ABCB5: variants seen among roughly 807,000 people sequenced by gnomAD.
ABCB5 encodes ATP binding cassette subfamily B member 5.
A neutral mutation model predicts 144.2 loss-of-function variants in ABCB5; 155 were observed. The ratio of observed to expected loss-of-function variants is 1.08; its 90% CI spans 0.94 to 1.23. ABCB5 has a LOEUF of 1.23. Ranked by LOEUF, ABCB5 falls within the 50% of genes most tolerant of loss-of-function variation. The pLI, the probability that ABCB5 is intolerant of heterozygous loss-of-function variation, is 0.00. For missense variants in ABCB5, 1,830 were observed against 1,520.8 expected, an observed-to-expected ratio of 1.20 and a Z score of -3.38; for synonymous variants, 610 against 528.6, an observed-to-expected ratio of 1.15 and a Z score of -2.11.
At chr7:20,645,617 C>T (rs760223834) in intron 7 of ABCB5, 139 bp from the exon 8 acceptor site, 26 of 1,098,200 alleles carry the variant, frequency 2.4e-5, no homozygotes, top group Non-Finnish European at 3.2e-5. Context: ...TATTTGAAGA[C>T]AAATTTTTAA....
rs1784531767 is a variant in ABCB5 at position 20,650,043 on chromosome 7, A to C, written c.1228A>C (p.Arg410=). The C allele has an allele frequency of 6.2e-7, 1 of 1,612,944 alleles. No homozygotes were observed. Among genetic ancestry groups the C allele is most frequent in the Non-Finnish European group, 8.5e-7 (1 of 1,179,412 alleles). ...ATAGATTCTGAAAGGTCTGAATCTC[A>C]GAATTAAGTCTGGAGAGACAGTCGC... ...SIKILKGLNL[R]IKSGETVALV... is the part of the protein sequence containing the mutation. Residue 410 remains arginine (R), a synonymous_variant, in exon 12 of 28, where the codon AGA becomes CGA. Coordinates refer to ENST00000404938, the MANE Select transcript of ABCB5 (RefSeq NM_001163941.2).
chr7:20,671,713 G>T lies in ABCB5; in HGVS notation c.1708-9792G>T, dbSNP rs182947759. On this transcript the variant is annotated intron_variant, in intron 14 of 27. Coordinates refer to ENST00000404938, the MANE Select transcript of ABCB5 (RefSeq NM_001163941.2). ...GACTATGCCACAATTTAAACTAATT[G>T]GTATGGATGCTCATTTGAATTATTA... is the stretch of plus-strand genomic sequence containing the variant. Among the ~76,000 whole-genome samples the T allele has an allele frequency of 6.6e-5, 10 of 152,244 alleles. No individual in the cohort carries two copies. The East Asian group carries it at 1.5e-3, about 23-fold the overall frequency.
In ABCB5 at chr7:20,671,329, T is replaced by G. The variant is rs1240629899; in HGVS notation, c.1708-10176T>G. Among the ~76,000 whole-genome samples the G allele has an allele frequency of 2.6e-5, 4 of 152,210 alleles. No individual in the cohort carries two copies. In the East Asian group the frequency reaches 7.7e-4, roughly 29 times the overall value. ...GACTTTGATTTTTGTTTTTAACAGTTTTTTGAGGTTTCATTGAATATAAGA... is the reference window on the plus strand; with the variant it reads ...GACTTTGATTTTTGTTTTTAACAGTGTTTTGAGGTTTCATTGAATATAAGA... On this transcript the variant is annotated intron_variant, in intron 14 of 27. Transcript: ENST00000404938.
intron 1 of ABCB5, among the ~76,000 whole-genome samples, chr7:20,622,315 G>C (rs931502762): frequency 3.9e-5 from 6 of 152,130 alleles, no homozygotes; most frequent in Non-Finnish European, 8.8e-5. Flanking sequence ...ATGGTGTAAA[G>C]TCAGTTTAGC....
chr7:20,626,355 G>A (rs1415386873), intron 2 of ABCB5, among the ~76,000 whole-genome samples: 2 of 152,274 alleles, frequency 1.3e-5, no homozygotes, highest in African/African-American at 4.8e-5. Context: ...TTCTCCTCCA[G>A]ACACGTCTTC....
rs1783069512 is a variant in ABCB5, at chr7:20,755,696, G to A, written c.*72G>A. 1 of 1,412,760 alleles carries A rather than the reference G, an allele frequency of 7.1e-7. No individual in the cohort carries two copies. Among genetic ancestry groups the A allele is most frequent in the African/African-American group, 1.4e-5 (1 of 70,252 alleles). The allele number at this position is 1,412,760 out of a possible 1,614,324, so 87.5% of individuals were successfully genotyped here. Reference sequence around the variant, plus strand: ...GGAGTACTTAATAATTACTTGGCAAGCTTTGATCTCTTTTATTGCATATAT... The same window carrying A: ...GGAGTACTTAATAATTACTTGGCAAACTTTGATCTCTTTTATTGCATATAT... On this transcript the variant is annotated 3_prime_UTR_variant, in exon 28 of 28. Transcript: ENST00000404938.
At chr7:20,687,817 C>G (rs1786051514) in intron 16 of ABCB5, among the ~76,000 whole-genome samples, 1 of 152,162 alleles carries the variant, frequency 6.6e-6, no homozygotes, top group African/African-American at 2.4e-5. Flanking sequence ...CTTAGGAGTT[C>G]AAGGCTGCAG....
At chr7:20,728,557 C>T in intron 23 of ABCB5, 102 bp downstream of exon 23, 4 of 1,300,346 alleles carry the variant, frequency 3.1e-6, no homozygotes, top group Non-Finnish European at 4.1e-6. Flanking sequence ...AGTTTGAGAT[C>T]AGCCTGACCA....
At chr7:20,644,298 C>T (rs1054087014) in intron 7 of ABCB5, among the ~76,000 whole-genome samples, 9 of 151,992 alleles carry the variant, frequency 5.9e-5, no homozygotes, top group African/African-American at 2.2e-4. Flanking sequence ...AGGCTGATCT[C>T]GAATTCTTGG....
intron 2 of ABCB5, 70 bp from the exon 3 acceptor site, chr7:20,626,487 C>T: frequency 7.1e-7 from 1 of 1,408,936 alleles, no homozygotes; most frequent in South Asian, 1.3e-5. Context: ...CTTCTGCAAA[C>T]TATTAATGGA....
intron 2 of ABCB5, among the ~76,000 whole-genome samples, chr7:20,625,536 G>A (rs1012610706): frequency 1.3e-5 from 2 of 152,162 alleles, no homozygotes; most frequent in Non-Finnish European, 2.9e-5. Context: ...TGCTTAATGT[G>A]TACCTAATAG....
chr7:20,659,932 C>T (rs758119449), intron 14 of ABCB5: 17 of 976,398 alleles, frequency 1.7e-5, no homozygotes, highest in Non-Finnish European at 2.1e-5. Flanking sequence ...GATCCGCCCA[C>T]CTCGGCCTCC....
chr7:20,628,373 G>A (rs1378090502), intron 3 of ABCB5, among the ~76,000 whole-genome samples: 1 of 152,130 alleles, frequency 6.6e-6, no homozygotes, highest in Non-Finnish European at 1.5e-5. Context: ...AGTCCATGGT[G>A]TATATGTGCC....
In ABCB5 at chr7:20,638,354, AAT is replaced by A. The variant is rs530456769; in HGVS notation, c.315-4827_315-4826del. Among the ~76,000 whole-genome samples the A allele has an allele frequency of 3.0e-4, 45 of 151,888 alleles. No individual in the cohort carries two copies. In the South Asian group the frequency reaches 9.5e-3, roughly 32 times the overall value. ...CAATTGTACTGTTTATATTATTTTTAATATCTTTGTTGATGTATAATTTATTT... is the reference window on the plus strand; with the variant it reads ...CAATTGTACTGTTTATATTATTTTTAATCTTTGTTGATGTATAATTTATTT... On this transcript the variant is annotated intron_variant, in intron 5 of 27. Transcript: ENST00000404938.
At chr7:20,633,147 T>C (rs1441217823) in intron 5 of ABCB5, among the ~76,000 whole-genome samples, 1 of 152,112 alleles carries the variant, frequency 6.6e-6, no homozygotes, top group Non-Finnish European at 1.5e-5. Flanking sequence ...TGGAGACTAA[T>C]TATTCAGACT....
At chr7:20,620,050 A>T (rs938901879) in intron 1 of ABCB5, among the ~76,000 whole-genome samples, 1 of 152,062 alleles carries the variant, frequency 6.6e-6, no homozygotes, top group African/African-American at 2.4e-5. Flanking sequence ...TTGCACCAAT[A>T]CCATGCTGTT....
At chr7:20,650,602 A>G (rs1180563529) in intron 12 of ABCB5, among the ~76,000 whole-genome samples, 1 of 150,522 alleles carries the variant, frequency 6.6e-6, no homozygotes, top group African/African-American at 2.5e-5. Flanking sequence ...ACAGTGTTGC[A>G]CTTAACTTTC....
chr7:20,660,103 C>T, intron 14 of ABCB5: 1 of 984,524 alleles, frequency 1.0e-6, no homozygotes, highest in Non-Finnish European at 1.2e-6. Context: ...AAAACTAGTT[C>T]AGACTTTTAA....
At chr7:20,750,960 T>C (rs1782906368) in intron 26 of ABCB5, among the ~76,000 whole-genome samples, 1 of 152,060 alleles carries the variant, frequency 6.6e-6, no homozygotes, top group South Asian at 2.1e-4. Context: ...ATCTTCACAG[T>C]ATCACCCAGT....
Sources: allele counts gnomAD v4.1 joint callset (sites outside exome capture counted in the v4.1 genomes callset), GRCh38; gene constraint gnomAD v4.1.1; transcripts MANE v1.5; gene names NCBI Gene and HGNC (gene_info 2026-07-23, HGNC 2026-07-21).